TEC: variants seen among roughly 807,000 people sequenced by gnomAD.
TEC encodes tec protein tyrosine kinase, also known as tyrosine-protein kinase Tec.
A neutral mutation model predicts 93.0 loss-of-function variants in TEC; 72 were observed. The ratio of observed to expected loss-of-function variants is 0.77; its 90% CI spans 0.64 to 0.94. The LOEUF (loss-of-function observed/expected upper bound fraction) is 0.94, where lower values mean the gene tolerates loss of function less well. TEC is among the 40% of genes least tolerant of loss of function. TEC has a pLI of 0.00. For missense variants in TEC, 630 were observed against 757.9 expected (o/e 0.83, Z 1.98); for synonymous variants, 249 against 247.7 (o/e 1.01, Z -0.05).
chr4:48,262,344 G>A lies in TEC; in HGVS notation c.-46+7408C>T, dbSNP rs370163420. Among the ~76,000 whole-genome samples the A allele has an allele frequency of 6.6e-5, 10 of 151,800 alleles. No homozygotes were observed. The South Asian group carries it at 1.7e-3, about 25-fold the overall frequency. On this transcript the variant is annotated intron_variant, in intron 1 of 17. Coordinates refer to ENST00000381501, the MANE Select transcript of TEC (RefSeq NM_003215.3). Reference sequence around the variant, plus strand: ...CCCGAGTAGCTGGAATTACAGGCACGTGCCACCAGGCCCACCTAATTTTTG... The same window carrying A: ...CCCGAGTAGCTGGAATTACAGGCACATGCCACCAGGCCCACCTAATTTTTG...
At chr4:48,229,508 G>C (rs773278562) in intron 1 of TEC, among the ~76,000 whole-genome samples, 58 of 152,348 alleles carry the variant, frequency 3.8e-4, no homozygotes, top group Non-Finnish European at 6.9e-4. Flanking sequence ...AGTAACTGTG[G>C]CTGGGCACAG....
At chr4:48,142,773 T>C (rs1307518678) in intron 14 of TEC, among the ~76,000 whole-genome samples, 1 of 152,052 alleles carries the variant, frequency 6.6e-6, no homozygotes, top group Non-Finnish European at 1.5e-5. Context: ...CTCCACCTCC[T>C]GGGTTCAAGT....
chr4:48,199,059 T>A (rs916044575), intron 2 of TEC, among the ~76,000 whole-genome samples: 1 of 152,198 alleles, frequency 6.6e-6, no homozygotes, highest in Admixed American at 6.5e-5. Context: ...AGGGCAGGTA[T>A]TTTCTCCTTT....
In TEC at chr4:48,135,917, G is replaced by A. The variant is rs1437513200; in HGVS notation, c.*1499C>T. 1 of 152,178 alleles carries A rather than the reference G, an allele frequency of 6.6e-6. No individual in the cohort carries two copies. Among genetic ancestry groups the A allele is most frequent in the Admixed American group, 6.5e-5 (1 of 15,282 alleles). 9.4% of individuals were successfully genotyped at this position (152,178 alleles called of 1,614,324 possible). On this transcript the variant is annotated 3_prime_UTR_variant, in exon 18 of 18. Transcript: ENST00000381501. ...AGGATGAAATGAAATGGTTCTCCAG[G>A]GTCAGAGTGAAGGCGCTGCCCAGAG...
At chr4:48,263,805 A>T (rs139169644) in intron 1 of TEC, among the ~76,000 whole-genome samples, 4 of 152,274 alleles carry the variant, frequency 2.6e-5, no homozygotes, top group African/African-American at 9.6e-5. Flanking sequence ...CCCCTATGAC[A>T]ACTATGATCA....
intron 2 of TEC, among the ~76,000 whole-genome samples, chr4:48,179,359 TATATATATA>T (rs1721475736): frequency 2.4e-5 from 1 of 42,338 alleles, no homozygotes; most frequent in Non-Finnish European, 5.0e-5. Flanking sequence ...TATATATATA[TATATATATA>T]TATATATATT....
chr4:48,236,739 T>C (rs1055748273), intron 1 of TEC, among the ~76,000 whole-genome samples: 1 of 152,172 alleles, frequency 6.6e-6, no homozygotes, highest in Non-Finnish European at 1.5e-5. Context: ...TATTCTGAGG[T>C]AGACAACAGA....
chr4:48,196,006 T>C (rs1172912749), intron 2 of TEC, among the ~76,000 whole-genome samples: 4 of 152,144 alleles, frequency 2.6e-5, no homozygotes, highest in African/African-American at 4.8e-5. Context: ...TCACCTCCCT[T>C]CTGGTGGTAC....
intron 9 of TEC, chr4:48,155,989 T>G (rs1305446288): frequency 6.6e-6 from 1 of 152,234 alleles, no homozygotes; most frequent in Non-Finnish European, 1.5e-5. Context: ...CCTGATTTCT[T>G]CAAAATTTAG....
At chr4:48,175,101 T>C (rs1056910340) in intron 3 of TEC, among the ~76,000 whole-genome samples, 4 of 152,174 alleles carry the variant, frequency 2.6e-5, no homozygotes, top group Non-Finnish European at 4.4e-5. Flanking sequence ...ATGGTAGCTA[T>C]AAAATAAGGA....
intron 2 of TEC, among the ~76,000 whole-genome samples, chr4:48,206,858 G>A (rs1313005189): frequency 6.6e-6 from 1 of 151,940 alleles, no homozygotes. Flanking sequence ...ACCAGAGAGG[G>A]TGAGGCAGAA....
intron 1 of TEC, among the ~76,000 whole-genome samples, chr4:48,233,148 G>C (rs1000360231): frequency 6.6e-6 from 1 of 152,136 alleles, no homozygotes; most frequent in Admixed American, 6.5e-5. Flanking sequence ...CTGTACAAGT[G>C]TCCATATCAA....
chr4:48,198,752 T>C (rs940027890), intron 2 of TEC, among the ~76,000 whole-genome samples: 1 of 152,006 alleles, frequency 6.6e-6, no homozygotes, highest in Non-Finnish European at 1.5e-5. Flanking sequence ...GGGGAAAAAA[T>C]ATATTTTTTT....
chr4:48,138,506 G>T (rs907584298), intron 17 of TEC, among the ~76,000 whole-genome samples, 159 bp downstream of exon 17: 1 of 152,144 alleles, frequency 6.6e-6, no homozygotes, highest in East Asian at 1.9e-4. Flanking sequence ...TCTTCTTCCC[G>T]TTATTCAGAA....
intron 1 of TEC, among the ~76,000 whole-genome samples, chr4:48,231,980 T>C (rs1357385995): frequency 6.6e-6 from 1 of 151,880 alleles, no homozygotes; most frequent in Non-Finnish European, 1.5e-5. Flanking sequence ...ATGTTGAATG[T>C]CCTGGGGAAA....
chr4:48,165,887 G>C (rs1237179815), intron 7 of TEC, among the ~76,000 whole-genome samples: 3 of 152,214 alleles, frequency 2.0e-5, no homozygotes, highest in Non-Finnish European at 4.4e-5. Flanking sequence ...TACATAATTG[G>C]TTCCATCCTT....
chr4:48,209,612 CA>C (rs908072497), intron 2 of TEC, among the ~76,000 whole-genome samples: 1 of 150,524 alleles, frequency 6.6e-6, no homozygotes, highest in African/African-American at 2.4e-5. Context: ...GACTTTGTCT[CA>C]AAAAAAATAG....
At chr4:48,187,449 AAAG>A (rs1489581119) in intron 2 of TEC, among the ~76,000 whole-genome samples, 2 of 152,074 alleles carry the variant, frequency 1.3e-5, no homozygotes, top group African/African-American at 2.4e-5. Context: ...AAAAAAAAAA[AAAG>A]AAATATGAAG....
At chr4:48,157,946 G>T (rs1222919420) in intron 8 of TEC, among the ~76,000 whole-genome samples, 1 of 152,128 alleles carries the variant, frequency 6.6e-6, no homozygotes, top group Admixed American at 6.5e-5. Context: ...AAGCAAATAG[G>T]CTATAAGAAC....
Sources: allele counts gnomAD v4.1 joint callset (sites outside exome capture counted in the v4.1 genomes callset), GRCh38; gene constraint gnomAD v4.1.1; transcripts MANE v1.5; gene names NCBI Gene and HGNC (gene_info 2026-07-23, HGNC 2026-07-21).